The following SARS1 variants were observed in gnomAD, a reference collection of about 807,000 sequenced individuals.
SARS1 encodes the protein serine--tRNA ligase, cytoplasmic.
SARS1 carries 25 observed loss-of-function variants against 63.7 expected under a neutral mutation model. The observed-to-expected ratio is 0.39, with a 90% CI of 0.29 to 0.55. The LOEUF (loss-of-function observed/expected upper bound fraction) is 0.55, where lower values mean the gene tolerates loss of function less well. Ranked by LOEUF, SARS1 falls within the 20% of genes least tolerant of loss-of-function variation. The pLI is 0.62. For missense variants in SARS1, 417 were observed against 649.7 expected, an observed-to-expected ratio of 0.64 and a Z score of 3.89; for synonymous variants, 231 against 243.5, an observed-to-expected ratio of 0.95 and a Z score of 0.48.
At position 109,237,102 on chromosome 1, in the gene SARS1, A is replaced by T. The variant is rs1655327098; in HGVS notation, c.1258-142A>T. On this transcript the variant is annotated intron_variant, in intron 9 of 10. Transcript: ENST00000234677. The surrounding 1 kb of genome is among the most constrained non-coding windows in gnomAD (Gnocchi z 4.1). ...ATACCAAATAATTCAAATTTAGAAA[A>T]AAGTTGCTAAGGGGTAGAACCCATC... The T allele has an allele frequency of 7.4e-7, 1 of 1,348,818 alleles. No homozygotes were observed. The highest frequency in any genetic ancestry group is 1.0e-6 in the Non-Finnish European group (1 of 996,626). 83.6% of individuals were successfully genotyped at this position (1,348,818 alleles called of 1,614,324 possible). A position where few individuals can be genotyped will look rare whatever the true frequency, so the allele number is the denominator to read the frequency against.
rs1449750957 is a variant in SARS1 at position 109,214,572 on chromosome 1, G to A, written c.136+444G>A. The A allele has an allele frequency of 4.0e-6, 4 of 988,708 alleles. No homozygotes were observed. In the East Asian group the frequency reaches 4.5e-4, roughly 111 times the overall value. 61.2% of individuals were successfully genotyped at this position (988,708 alleles called of 1,614,324 possible). A position where few individuals can be genotyped will look rare whatever the true frequency, so the allele number is the denominator to read the frequency against. ...GATCAAAGGCTTCTCCTGAGACTGC[G>A]TCACTTCTGCAACACAGTAGATTCA... On this transcript the variant is annotated intron_variant, in intron 1 of 10. Transcript: ENST00000234677. This position sits in a 1 kb window ranked among gnomAD's most constrained non-coding sequence, Gnocchi z 4.6.
intron 1 of SARS1, among the ~76,000 whole-genome samples, chr1:109,221,968 G>GTA: frequency 2.1e-4 from 2 of 9,476 alleles, no homozygotes; most frequent in Admixed American, 2.0e-3. Flanking sequence ...TTTTGTGTGT[G>GTA]TGTATATATA....
chr1:109,216,736 C>A, intron 1 of SARS1: 1 of 504,658 alleles, frequency 2.0e-6, no homozygotes, highest in Non-Finnish European at 2.6e-6. Flanking sequence ...ATCCTCCTGC[C>A]TTAGACTTCT....
At position 109,230,876 on chromosome 1, in the gene SARS1, AGGATGT is replaced by A; in HGVS notation, c.450_455del (p.Val151_Asp152del). 6.3e-7 allele frequency: 1 copy of A among 1,599,170 alleles called. No individual in the cohort carries two copies. Among genetic ancestry groups the A allele is most frequent in the Non-Finnish European group, 8.5e-7 (1 of 1,171,558 alleles). Reference sequence around the variant, plus strand: ...TGTCTCTTTCTTGCTCTGTTTCCTTAGGATGTGGACAACAAAGTAGAGAGGATTTGG... The same window carrying A: ...TGTCTCTTTCTTGCTCTGTTTCCTTAGGACAACAAAGTAGAGAGGATTTGG... On this transcript the variant is annotated splice_acceptor_variant and coding_sequence_variant, in exon 5 of 11. Transcript: ENST00000234677. LOFTEE classifies it high-confidence loss of function.
At chr1:109,229,272 T>G in intron 3 of SARS1, 142 bp from the exon 4 acceptor site, 2 of 798,518 alleles carry the variant, frequency 2.5e-6, no homozygotes, top group South Asian at 3.5e-5. Context: ...ATCTCAGTTC[T>G]TAAAAGTCTT....
chr1:109,219,262 C>CATATATATATATATATATATATATAT lies in SARS1; in HGVS notation c.137-4714_137-4689dup, dbSNP rs142272817. ...GCCTGGGCGATAGAGCAAGACTCTCCATATATATATATATATATATATATA... is the reference window on the plus strand; with the variant it reads ...GCCTGGGCGATAGAGCAAGACTCTCCATATATATATATATATATATATATATATATATATATATATATATATATATA... On this transcript the variant is annotated intron_variant, in intron 1 of 10. Transcript: ENST00000234677. 5.1e-3 allele frequency among the ~76,000 whole-genome samples: 388 copies of CATATATATATATATATATATATATAT among 76,756 alleles called. 14 individuals carry two copies. The highest frequency in any genetic ancestry group is 6.8e-3 in the Non-Finnish European group (241 of 35,622). The allele number at this position is 76,756 out of a possible 152,430, so 50.4% of individuals were successfully genotyped here. A position where few individuals can be genotyped will look rare whatever the true frequency, so the allele number is the denominator to read the frequency against.
chr1:109,237,316 T>C lies in SARS1; in HGVS notation c.1330T>C (p.Tyr444His), dbSNP rs1182260647. Reference protein sequence around the residue: ...TRTICAILENYQTEKGITVPE... With the variant: ...TRTICAILENHQTEKGITVPE... ...TACCATCTGCGCCATCCTGGAGAAC[T>C]ACCAGACAGAGAAGGGCATCACTGT... Residue 444 changes from tyrosine to histidine, a missense_variant, in exon 10 of 11, where the codon TAC becomes CAC. Physicochemically the swap from Tyr to His is moderately conservative, Grantham distance 83 (BLOSUM62 2). Around this residue, in one of 3 missense-constraint regions of SARS1, gnomAD observed 15 missense variants for 52.0 expected, o/e 0.29. Coordinates refer to ENST00000234677, the MANE Select transcript of SARS1 (RefSeq NM_006513.4). This position sits in a 1 kb window ranked among gnomAD's most constrained non-coding sequence, Gnocchi z 4.1. 1 of 1,614,218 alleles carries C rather than the reference T, an allele frequency of 6.2e-7. No individual in the cohort carries two copies. The highest frequency in any genetic ancestry group is 8.5e-7 in the Non-Finnish European group (1 of 1,180,032).
chr1:109,222,002 ATATATATATTTTTTTTTTTTTTTTTTTTT>A (rs1654954889), intron 1 of SARS1, among the ~76,000 whole-genome samples: 2 of 11,650 alleles, frequency 1.7e-4, no homozygotes, highest in African/African-American at 8.1e-4. Context: ...ATATATATAT[ATATATATATTTTTTTTTTTTTTTTTTTTT>A]TTTTTTTTTT....
At chr1:109,223,942 A>C in intron 1 of SARS1, 36 bp from the exon 2 acceptor site, 4 of 1,501,102 alleles carry the variant, frequency 2.7e-6, no homozygotes, top group Non-Finnish European at 3.7e-6. Context: ...AATTATGGGC[A>C]TTTCTTTGGT....
In SARS1 at chr1:109,229,423, G is replaced by T; in HGVS notation, c.298G>T (p.Val100Phe). 1 of 1,614,068 alleles carries T rather than the reference G, an allele frequency of 6.2e-7. No homozygotes were observed. The highest frequency in any genetic ancestry group is 1.7e-4 in the Middle Eastern group (1 of 6,060). Residue 100 changes from valine (V) to phenylalanine (F), a missense_variant, in exon 4 of 11, where the codon GTC (valine) becomes TTC (phenylalanine). By Grantham distance (50) the Val-to-Phe change is conservative (BLOSUM62 -1). Around this residue, in one of 3 missense-constraint regions of SARS1, gnomAD observed 359 missense variants for 529.6 expected, o/e 0.68. Coordinates refer to ENST00000234677, the MANE Select transcript of SARS1 (RefSeq NM_006513.4). Reference protein sequence around the residue: ...LTADALANLKVSQIKKVRLLI... With the variant: ...LTADALANLKFSQIKKVRLLI... ...GCCTGTTCATCTGCAGAACCTGAAA[G>T]TCTCACAAATCAAAAAAGTCCGACT...
In SARS1 at chr1:109,216,269, T is replaced by C. The variant is rs1001960924; in HGVS notation, c.136+2141T>C. 5 of 985,230 alleles carry C rather than the reference T, an allele frequency of 5.1e-6. No individual in the cohort carries two copies. In the African/African-American group the frequency reaches 7.0e-5, roughly 14 times the overall value. 61.0% of individuals were successfully genotyped at this position (985,230 alleles called of 1,614,324 possible). On this transcript the variant is annotated intron_variant, in intron 1 of 10. Transcript: ENST00000234677. Reference sequence around the variant, plus strand: ...ATCATGCTCCCTAATTGAGGACACATAGCAAGCTTCACCAAGCCCTCCACT... The same window carrying C: ...ATCATGCTCCCTAATTGAGGACACACAGCAAGCTTCACCAAGCCCTCCACT...
At chr1:109,221,418 A>G (rs1654927038) in intron 1 of SARS1, among the ~76,000 whole-genome samples, 1 of 152,150 alleles carries the variant, frequency 6.6e-6, no homozygotes, top group African/African-American at 2.4e-5. Context: ...GAACAAGACA[A>G]GTATGTCTCT....
intron 1 of SARS1, among the ~76,000 whole-genome samples, chr1:109,220,729 T>G (rs528478296): frequency 6.6e-6 from 1 of 152,302 alleles, no homozygotes; most frequent in African/African-American, 2.4e-5. Context: ...TTTATTGACT[T>G]TTCTTCTGTG....
At chr1:109,228,946 G>C (rs1309390544) in intron 3 of SARS1, among the ~76,000 whole-genome samples, 1 of 152,114 alleles carries the variant, frequency 6.6e-6, no homozygotes, top group East Asian at 1.9e-4. Context: ...AGAAATAAGA[G>C]CACAGTTTGA....
intron 2 of SARS1, among the ~76,000 whole-genome samples, chr1:109,227,999 G>A (rs1487519785): frequency 2.6e-5 from 4 of 151,484 alleles, no homozygotes; most frequent in East Asian, 3.9e-4. Context: ...CCTCTCCAGC[G>A]CTTATAGCTC....
intron 2 of SARS1, among the ~76,000 whole-genome samples, chr1:109,227,283 G>A (rs772492022): frequency 4.6e-5 from 7 of 152,152 alleles, no homozygotes; most frequent in East Asian, 1.9e-4. Flanking sequence ...ATGAGCCACC[G>A]TGCCCTGCCA....
Position 109,230,946 on chromosome 1 carries a change from C to G in SARS1, c.516C>G (p.Asp172Glu). ...TCAGGAAGAAGTACTCTCATGTGGA[C>G]CTGGTGGTGATGGTAGATGGCTTTG... ...CTVRKKYSHVDLVVMVDGFEG... is the reference protein window; with the variant it reads ...CTVRKKYSHVELVVMVDGFEG... The change falls in exon 5 of 11, where the codon GAC (aspartate) becomes GAG (glutamate). Residue 172 changes from aspartate to glutamate, a missense_variant. Asp to Glu is a conservative substitution (Grantham distance 45). Coordinates refer to ENST00000234677, the MANE Select transcript of SARS1 (RefSeq NM_006513.4). 2 of 1,589,210 alleles carry G rather than the reference C, an allele frequency of 1.3e-6. No homozygotes were observed. Among genetic ancestry groups the G allele is most frequent in the Non-Finnish European group, 1.7e-6 (2 of 1,167,930 alleles).
chr1:109,229,377 A>C, intron 3 of SARS1, 37 bp from the exon 4 acceptor site: 1 of 1,606,512 alleles, frequency 6.2e-7, no homozygotes, highest in East Asian at 2.2e-5. Flanking sequence ...TCCTTGCCTC[A>C]CTGTCCTGCT....
rs61751058 is a variant in SARS1 at position 109,229,572 on chromosome 1, G to A, written c.447G>A (p.Glu149=). The A allele has an allele frequency of 1.9e-3, 3,018 of 1,608,314 alleles. 53 individuals carry two copies. In the African/African-American group the frequency reaches 0.036, roughly 19 times the overall value. Residue 149 remains glutamate, a splice_region_variant and synonymous_variant, in exon 4 of 11, where the codon GAG becomes GAA. Transcript: ENST00000234677. ...LHPSVPISND[E]DVDNKVERIW... ...CTTCTGTACCCATCAGTAACGATGA[G>A]GTAGGTGGCTGTGCCGCAGCAGGAG... is the stretch of plus-strand genomic sequence containing the variant.
Sources: gnomAD v4.1 joint callset for allele counts (sites outside exome capture counted in the v4.1 genomes callset) on GRCh38, gnomAD v4.1.1 for gene constraint, gnomAD v4.1.1 regional missense constraint, Gnocchi (gnomAD v3.1) non-coding constraint, MANE v1.5 for transcripts, NCBI Gene and HGNC (gene_info 2026-07-23, HGNC 2026-07-21) for gene names.